ITPR1: variants seen among roughly 807,000 people sequenced by gnomAD.
ITPR1 encodes inositol 1,4,5-trisphosphate-gated calcium channel ITPR1.
A neutral mutation model predicts 318.4 loss-of-function variants in ITPR1; 96 were observed. That is an observed-to-expected ratio of 0.30 (90% confidence interval 0.26 to 0.36). The LOEUF (loss-of-function observed/expected upper bound fraction) is 0.36, where lower values mean the gene tolerates loss of function less well. ITPR1 is among the 10% of genes least tolerant of loss of function. ITPR1 has a pLI of 1.00. For missense variants in ITPR1, 2,440 were observed against 3,460.2 expected (o/e 0.71, Z 7.40); for synonymous variants, 1,312 against 1,289.9 (o/e 1.02, Z -0.37).
rs2094160803 is a variant in ITPR1, at chr3:4,675,261, G to C, written c.2779+13G>C. 1.3e-6 allele frequency: 2 copies of C among 1,598,142 alleles called. No individual in the cohort carries two copies. Among genetic ancestry groups the C allele is most frequent in the South Asian group, 1.1e-5 (1 of 88,128 alleles). ...GAGAAGCTGAAGAGTGAGTATCTGA[G>C]GGTGCCCATACATCTGAGAGATGCC... On this transcript the variant is annotated intron_variant, in intron 23 of 61. Coordinates refer to ENST00000649015, the MANE Select transcript of ITPR1 (RefSeq NM_001378452.1).
chr3:4,528,192 T>C (rs1289374358), intron 4 of ITPR1, among the ~76,000 whole-genome samples: 1 of 152,224 alleles, frequency 6.6e-6, no homozygotes, highest in African/African-American at 2.4e-5. Context: ...TTTCCCCATC[T>C]GTTAAATTGG....
At chr3:4,688,786 A>C (rs1038082369) in intron 31 of ITPR1, among the ~76,000 whole-genome samples, 166 bp downstream of exon 31, 2 of 152,208 alleles carry the variant, frequency 1.3e-5, no homozygotes, top group African/African-American at 4.8e-5. Flanking sequence ...ATAAATACTC[A>C]TCTTTTGGGG....
At chr3:4,808,887 C>A (rs573206524) in intron 55 of ITPR1, among the ~76,000 whole-genome samples, 55 of 152,242 alleles carry the variant, frequency 3.6e-4, no homozygotes, top group African/African-American at 1.3e-3. Flanking sequence ...ACTGGCCGGA[C>A]CTGGTCGTGA....
intron 4 of ITPR1, among the ~76,000 whole-genome samples, chr3:4,593,606 A>G (rs1420048017): frequency 2.6e-5 from 4 of 152,238 alleles, no homozygotes; most frequent in Non-Finnish European, 5.9e-5. Context: ...TCAGATGCTA[A>G]TGCCTTGGGA....
At chr3:4,656,515 G>A (rs1314890478) in intron 12 of ITPR1, among the ~76,000 whole-genome samples, 1 of 152,212 alleles carries the variant, frequency 6.6e-6, no homozygotes. Context: ...GTAAAGGGAT[G>A]AGCAATTAGA....
intron 44 of ITPR1, among the ~76,000 whole-genome samples, chr3:4,759,335 G>T (rs1241078364): frequency 6.6e-6 from 1 of 152,220 alleles, no homozygotes; most frequent in Non-Finnish European, 1.5e-5. Flanking sequence ...CTAAGACCCG[G>T]ATTCATTGGC....
In ITPR1 at chr3:4,688,541, T is replaced by A; in HGVS notation, c.3749T>A (p.Phe1250Tyr). 6.2e-7 allele frequency: 1 copy of A among 1,613,988 alleles called. No individual in the cohort carries two copies. The highest frequency in any genetic ancestry group is 8.5e-7 in the Non-Finnish European group (1 of 1,179,866). The part of the protein sequence containing the change: ...MQEIMRLAHE[F>Y]LQNFCAGNQQ... ...GAGATAATGAGGTTGGCTCATGAAT[T>A]TTTGCAGAATTTCTGCGCAGGCAAC... The change falls in exon 31 of 62, where the codon TTT becomes TAT. Residue 1250 changes from phenylalanine (F) to tyrosine (Y), a missense_variant. Coordinates refer to ENST00000649015, the MANE Select transcript of ITPR1 (RefSeq NM_001378452.1).
At chr3:4,607,299 C>A (rs138829799) in intron 4 of ITPR1, among the ~76,000 whole-genome samples, 1 of 152,096 alleles carries the variant, frequency 6.6e-6, no homozygotes, top group Non-Finnish European at 1.5e-5. Context: ...GTTTGAGAAG[C>A]GCTGTTGTTA....
intron 2 of ITPR1, among the ~76,000 whole-genome samples, chr3:4,506,055 G>A (rs2081373342): frequency 6.6e-6 from 1 of 152,168 alleles, no homozygotes; most frequent in Non-Finnish European, 1.5e-5. Context: ...TGCTAAGTAA[G>A]CATATTTTCT....
chr3:4,654,548 G>A (rs1361476026), intron 12 of ITPR1, among the ~76,000 whole-genome samples: 1 of 152,188 alleles, frequency 6.6e-6, no homozygotes, highest in South Asian at 2.1e-4. Flanking sequence ...ACATGGAAAG[G>A]GTGGGTATAA....
At chr3:4,500,492 C>T (rs1486132523) in intron 2 of ITPR1, among the ~76,000 whole-genome samples, 1 of 151,488 alleles carries the variant, frequency 6.6e-6, no homozygotes, top group Non-Finnish European at 1.5e-5. Context: ...GTGAGACCAT[C>T]ATGCCTGGCC....
chr3:4,832,983 C>G (rs1314489433), intron 60 of ITPR1, among the ~76,000 whole-genome samples: 1 of 152,236 alleles, frequency 6.6e-6, no homozygotes, highest in East Asian at 1.9e-4. Context: ...TGCAGCTCCA[C>G]AGAGGCGAAG....
At chr3:4,611,298 G>T (rs577938328) in intron 4 of ITPR1, among the ~76,000 whole-genome samples, 12 of 149,762 alleles carry the variant, frequency 8.0e-5, no homozygotes, top group Non-Finnish European at 1.6e-4. Flanking sequence ...AGTGGCTCAC[G>T]CCTGTAATCC....
At position 4,814,799 on chromosome 3, in the gene ITPR1, C is replaced by G. The variant is rs528290379; in HGVS notation, c.7701+237C>G. The G allele has an allele frequency of 2.9e-4, 176 of 601,722 alleles. 1 individual carries two copies. The Middle Eastern group carries it at 3.5e-3, about 12-fold the overall frequency. The allele number at this position is 601,722 out of a possible 1,614,324, so 37.3% of individuals were successfully genotyped here. On this transcript the variant is annotated intron_variant, in intron 58 of 61. Transcript: ENST00000649015. ...GCTCTCTGTTCAGTAGACTTAGGGA[C>G]TGTTTCCATCAGGGTTAGGCCTGAT...
At chr3:4,596,315 G>A (rs945234351) in intron 4 of ITPR1, 8 of 151,978 alleles carry the variant, frequency 5.3e-5, no homozygotes, top group African/African-American at 1.9e-4. Context: ...CTTTCCATGA[G>A]TTTTTCTTTC....
intron 4 of ITPR1, among the ~76,000 whole-genome samples, chr3:4,598,391 G>T (rs1289497249): frequency 1.3e-5 from 2 of 152,168 alleles, no homozygotes; most frequent in African/African-American, 4.8e-5. Flanking sequence ...AGAATGAAGT[G>T]GGTGAATCAG....
At chr3:4,697,124 A>G in intron 33 of ITPR1, 23 bp from the exon 34 acceptor site, 3 of 1,607,972 alleles carry the variant, frequency 1.9e-6, no homozygotes, top group Non-Finnish European at 2.5e-6. Flanking sequence ...GGTTTTTCAG[A>G]AAAGCTTCTT....
chr3:4,824,425 A>C (rs2049936317), intron 60 of ITPR1, among the ~76,000 whole-genome samples: 1 of 152,092 alleles, frequency 6.6e-6, no homozygotes. Context: ...TAGAGCCAAG[A>C]CTGAAATCCA....
intron 16 of ITPR1, among the ~76,000 whole-genome samples, chr3:4,664,217 G>T (rs972029775): frequency 6.6e-6 from 1 of 152,168 alleles, no homozygotes; most frequent in African/African-American, 2.4e-5. Flanking sequence ...GAATCTTTCC[G>T]TAAAGAATGA....
Sources: gnomAD v4.1 joint callset for allele counts (sites outside exome capture counted in the v4.1 genomes callset) on GRCh38, gnomAD v4.1.1 for gene constraint, MANE v1.5 for transcripts, NCBI Gene and HGNC (gene_info 2026-07-23, HGNC 2026-07-21) for gene names.